CHST15: variants seen among roughly 807,000 people sequenced by gnomAD.
The protein encoded by CHST15 is carbohydrate sulfotransferase 15.
Under a neutral mutation model 53.6 loss-of-function variants are expected in CHST15, and 30 were observed. The observed-to-expected ratio is 0.56, with a 90% confidence interval of 0.42 to 0.76. The LOEUF is 0.76. CHST15 is among the 30% of genes least tolerant of loss of function. The probability of loss-of-function intolerance (pLI) is 0.00; values close to 1 mark genes in which losing one functional copy is unlikely to be tolerated. For missense variants in CHST15, 627 were observed against 740.5 expected, an observed-to-expected ratio of 0.85 and a Z score of 1.78; for synonymous variants, 296 against 289.8, an observed-to-expected ratio of 1.02 and a Z score of -0.22.
In CHST15 at chr10:124,008,073, A is replaced by G; in HGVS notation, c.*2076T>C. On this transcript the variant is annotated 3_prime_UTR_variant, in exon 8 of 8. Transcript: ENST00000435907. The stretch of plus-strand genomic sequence containing the variant: ...GACTGCATATATAAAAAAGATCCGC[A>G]TAATAAACCAAATAATATTGGAAAT... The G allele has an allele frequency of 1.6e-6, 2 of 1,232,132 alleles. No homozygotes were observed. The highest frequency in any genetic ancestry group is 2.0e-6 in the Non-Finnish European group (2 of 987,966). 76.3% of individuals were successfully genotyped at this position (1,232,132 alleles called of 1,614,324 possible).
chr10:124,017,640 T>C (rs1289201862), intron 6 of CHST15, among the ~76,000 whole-genome samples: 12 of 152,038 alleles, frequency 7.9e-5, no homozygotes, highest in Admixed American at 7.9e-4. Flanking sequence ...CCACTGAAGA[T>C]CAGATGGTTG....
intron 1 of CHST15, among the ~76,000 whole-genome samples, chr10:124,082,849 G>A (rs1300893553): frequency 2.0e-5 from 3 of 152,218 alleles, no homozygotes; most frequent in South Asian, 2.1e-4. Flanking sequence ...CTGCTCATAC[G>A]AAAGTCCACA....
At chr10:124,021,122 C>A in intron 6 of CHST15, 134 bp downstream of exon 6, 1 of 1,519,584 alleles carries the variant, frequency 6.6e-7, no homozygotes, top group South Asian at 1.2e-5. Context: ...TGGGGAACAG[C>A]ATTTGCACAT....
intron 1 of CHST15, among the ~76,000 whole-genome samples, chr10:124,047,291 A>G (rs1948036874): frequency 6.6e-6 from 1 of 152,242 alleles, no homozygotes; most frequent in African/African-American, 2.4e-5. Context: ...GAAAATTTAG[A>G]AACAATGAAA....
chr10:124,047,800 A>G (rs1198647956), intron 1 of CHST15, among the ~76,000 whole-genome samples: 2 of 152,252 alleles, frequency 1.3e-5, no homozygotes, highest in African/African-American at 4.8e-5. Context: ...AACTATTATG[A>G]TGATGATTTT....
chr10:124,088,316 G>A (rs1432839472), intron 1 of CHST15, among the ~76,000 whole-genome samples: 3 of 152,212 alleles, frequency 2.0e-5, no homozygotes, highest in East Asian at 1.9e-4. Context: ...CACGAGCTCC[G>A]CCTCGCCCAC....
chr10:124,035,160 G>A (rs1475183077), intron 5 of CHST15, among the ~76,000 whole-genome samples: 2 of 146,748 alleles, frequency 1.4e-5, no homozygotes, highest in Non-Finnish European at 3.0e-5. Context: ...CGGGGACCCC[G>A]GCTCCGCCCC....
intron 3 of CHST15, 64 bp downstream of exon 3, chr10:124,044,515 GT>G (rs1248868414): frequency 1.5e-6 from 2 of 1,331,776 alleles, no homozygotes; most frequent in Admixed American, 3.1e-5. Flanking sequence ...CAGCGCTAAC[GT>G]TGCGGGAGGA....
chr10:124,074,576 C>T lies in CHST15; in HGVS notation c.-513+18893G>A, dbSNP rs529448069. Among the ~76,000 whole-genome samples, 3 of 152,280 alleles carry T rather than the reference C, an allele frequency of 2.0e-5. No individual in the cohort carries two copies. The highest frequency in any genetic ancestry group is 2.1e-4 in the South Asian group (1 of 4,826). ...CCCTGCACACCCAACACCTTCGCCA[C>T]GTCTGCAGTCTCTGCCTCCTCTCCC... is the stretch of plus-strand genomic sequence containing the variant. On this transcript the variant is annotated intron_variant, in intron 1 of 7. Coordinates refer to ENST00000435907, the MANE Select transcript of CHST15 (RefSeq NM_001270764.2). The surrounding 1 kb of genome is among the most constrained non-coding windows in gnomAD (Gnocchi z 4.4).
chr10:124,048,474 C>G (rs1948078207), intron 1 of CHST15, among the ~76,000 whole-genome samples: 1 of 152,202 alleles, frequency 6.6e-6, no homozygotes, highest in African/African-American at 2.4e-5. Context: ...GCCCTACCCC[C>G]ATCTCTTATC....
chr10:124,038,759 C>T, intron 4 of CHST15, 88 bp from the exon 5 acceptor site: 4 of 1,382,072 alleles, frequency 2.9e-6, no homozygotes, highest in Non-Finnish European at 3.0e-6. Flanking sequence ...CACCTGGCCC[C>T]GATGCCTTCC....
intron 6 of CHST15, among the ~76,000 whole-genome samples, chr10:124,017,182 T>C (rs904114788): frequency 2.6e-4 from 39 of 152,008 alleles, no homozygotes; most frequent in Non-Finnish European, 8.8e-5. Flanking sequence ...GGTCAGGAGT[T>C]CCCCCCTGCC....
intron 1 of CHST15, among the ~76,000 whole-genome samples, chr10:124,047,533 TAGAA>T (rs1948045480): frequency 6.6e-6 from 1 of 152,180 alleles, no homozygotes; most frequent in Non-Finnish European, 1.5e-5. Flanking sequence ...GTAGATGTCG[TAGAA>T]AGAGCCATGG....
chr10:124,027,284 GT>G (rs1947050713), intron 5 of CHST15, among the ~76,000 whole-genome samples: 1 of 152,126 alleles, frequency 6.6e-6, no homozygotes, highest in African/African-American at 2.4e-5. Flanking sequence ...GGAAATGTAT[GT>G]TAGGGGGCAT....
chr10:124,070,769 A>G (rs1385339432), intron 1 of CHST15, among the ~76,000 whole-genome samples: 1 of 152,170 alleles, frequency 6.6e-6, no homozygotes, highest in Non-Finnish European at 1.5e-5. Context: ...GTTCAGCTGC[A>G]TCTCGCAGGC....
intron 1 of CHST15, among the ~76,000 whole-genome samples, chr10:124,068,367 G>A (rs1948812354): frequency 1.3e-5 from 2 of 152,194 alleles, no homozygotes; most frequent in Non-Finnish European, 2.9e-5. Flanking sequence ...AGGGAAGACT[G>A]AGATAATCCA....
chr10:124,018,564 G>A (rs1946663021), intron 6 of CHST15, among the ~76,000 whole-genome samples: 1 of 152,208 alleles, frequency 6.6e-6, no homozygotes, highest in African/African-American at 2.4e-5. Flanking sequence ...GGATGTACAG[G>A]GAGGGCACCT....
Position 124,067,762 on chromosome 10 carries a change from G to A in CHST15, c.-512-21038C>T, listed in dbSNP as rs552575913. ...CTCCCAAATAGCTGGGATTACAGGC[G>A]ACCACCACCATGCCCCGCTAATTTT... On this transcript the variant is annotated intron_variant, in intron 1 of 7. Coordinates refer to ENST00000435907, the MANE Select transcript of CHST15 (RefSeq NM_001270764.2). Among the ~76,000 whole-genome samples, 964 of 152,168 alleles carry A rather than the reference G, an allele frequency of 6.3e-3. 6 individuals carry two copies. Among genetic ancestry groups the A allele is most frequent in the African/African-American group, 0.021 (880 of 41,492 alleles).
intron 5 of CHST15, among the ~76,000 whole-genome samples, chr10:124,025,145 T>G (rs1946946910): frequency 1.3e-5 from 2 of 152,200 alleles, no homozygotes; most frequent in South Asian, 4.1e-4. Flanking sequence ...CACCTAAGCT[T>G]GTCTTGATTT....
Sources: allele counts gnomAD v4.1 joint callset (sites outside exome capture counted in the v4.1 genomes callset), GRCh38; gene constraint gnomAD v4.1.1; non-coding constraint Gnocchi (gnomAD v3.1); transcripts MANE v1.5; gene names NCBI Gene and HGNC (gene_info 2026-07-23, HGNC 2026-07-21).